The following ATP2B2 variants were observed in gnomAD, a reference collection of about 807,000 sequenced individuals.
The protein encoded by ATP2B2 is ATPase plasma membrane Ca2+ transporting 2.
A neutral mutation model predicts 120.0 loss-of-function variants in ATP2B2; 15 were observed. That is an observed-to-expected ratio of 0.12 (90% CI 0.08 to 0.19). The LOEUF is 0.19. Among genes scored for constraint, ATP2B2 ranks in the 10% least tolerant of loss-of-function variants. ATP2B2 has a pLI of 1.00. For missense variants in ATP2B2, 1,045 were observed against 1,719.8 expected, an observed-to-expected ratio of 0.61 and a Z score of 6.94; for synonymous variants, 694 against 700.3, an observed-to-expected ratio of 0.99 and a Z score of 0.14.
At chr3:10,510,376 G>A (rs540810894), upstream of ATP2B2, among the ~76,000 whole-genome samples, 47 of 152,236 alleles carry the variant, frequency 3.1e-4, no homozygotes, top group Non-Finnish European at 4.6e-4. Context: ...AAACATTGTA[G>A]CGCAAGGTCA....
At chr3:10,643,175 C>T (rs2070221332) in intron 1 of ATP2B2, among the ~76,000 whole-genome samples, 1 of 152,136 alleles carries the variant, frequency 6.6e-6, no homozygotes, top group Non-Finnish European at 1.5e-5. Context: ...GATGTGAGCA[C>T]CAAAATAATT....
intron 1 of ATP2B2, among the ~76,000 whole-genome samples, chr3:10,661,897 G>C (rs4452310): frequency 0.22 from 33,527 of 151,990 alleles, 6,204 homozygotes; most frequent in African/African-American, 0.5. Context: ...GGTACCAAAA[G>C]AGAGATATAG....
chr3:10,542,618 C>T (rs1266800207), intron 2 of ATP2B2, among the ~76,000 whole-genome samples: 8 of 152,080 alleles, frequency 5.3e-5, no homozygotes, highest in Admixed American at 5.2e-4. Context: ...GGATATGGGA[C>T]TCTGGGTTGA....
intron 2 of ATP2B2, among the ~76,000 whole-genome samples, chr3:10,431,015 G>T (rs961546853): frequency 1.3e-5 from 2 of 151,922 alleles, no homozygotes; most frequent in Admixed American, 1.3e-4. Flanking sequence ...GACTGGGAAT[G>T]TTAGGATACC....
intron 2 of ATP2B2, among the ~76,000 whole-genome samples, chr3:10,615,829 C>G (rs2069370924): frequency 6.6e-6 from 1 of 152,194 alleles, no homozygotes; most frequent in Admixed American, 6.5e-5. Context: ...CTTCTCACTT[C>G]ATGAGAGTTT....
intron 2 of ATP2B2, among the ~76,000 whole-genome samples, chr3:10,568,465 C>T (rs1217987955): frequency 6.6e-6 from 1 of 152,198 alleles, no homozygotes; most frequent in African/African-American, 2.4e-5. Flanking sequence ...ACATGAGGCC[C>T]AGCAGAGAAA....
At chr3:10,546,440 A>G (rs1485855041) in intron 2 of ATP2B2, among the ~76,000 whole-genome samples, 3 of 152,070 alleles carry the variant, frequency 2.0e-5, no homozygotes, top group African/African-American at 7.2e-5. Context: ...GTCCAGGGTT[A>G]CCTACTCAGA....
Position 10,342,680 on chromosome 3 carries a change from G to A in ATP2B2, c.2917+72C>T. ...GAGGGGGTTGTGACTCGAGAATGCT[G>A]GGTGAGAGCCATGGTGCACCCAGAA... On this transcript the variant is annotated intron_variant, in intron 19 of 22. Coordinates refer to ENST00000360273, the MANE Select transcript of ATP2B2 (RefSeq NM_001001331.4). The surrounding 1 kb of genome is among the most constrained non-coding windows in gnomAD (Gnocchi z 4.4). 1.3e-6 allele frequency: 2 copies of A among 1,545,946 alleles called. No homozygotes were observed. The highest frequency in any genetic ancestry group is 1.1e-5 in the South Asian group (1 of 88,634).
At chr3:10,355,791 C>CTTTGTGCGTGTGTGTGTGTGTGTGTGTGT in intron 14 of ATP2B2, among the ~76,000 whole-genome samples, 29 of 92,612 alleles carry the variant, frequency 3.1e-4, no homozygotes, top group South Asian at 9.4e-4. Flanking sequence ...TTGTCCTTTC[C>CTTTGTGCGTGTGTGTGTGTGTGTGTGTGT]GGCCGGGCGC....
rs555998696 is a variant in ATP2B2 at position 10,347,749 on chromosome 3, G to C, written c.2405-1612C>G. ...CTGTGGCTCCCAGGTGGTGCGGACC[G>C]TTGCGTAGCTCAAGCTGTGCGGAAA... On this transcript the variant is annotated intron_variant, in intron 16 of 22. Transcript: ENST00000360273. The surrounding 1 kb of genome is among the most constrained non-coding windows in gnomAD (Gnocchi z 5.2). Among the ~76,000 whole-genome samples, 21 of 152,316 alleles carry C rather than the reference G, an allele frequency of 1.4e-4. No individual in the cohort carries two copies. The South Asian group carries it at 3.9e-3, about 29-fold the overall frequency.
At chr3:10,681,359 GC>G (rs1484669086) in intron 1 of ATP2B2, among the ~76,000 whole-genome samples, 2 of 152,196 alleles carry the variant, frequency 1.3e-5, no homozygotes, top group Non-Finnish European at 2.9e-5. Flanking sequence ...CAATCTCTCT[GC>G]TGTGTGCTGG....
At chr3:10,493,506 GAAA>G (rs2125374904) in intron 1 of ATP2B2, among the ~76,000 whole-genome samples, 1 of 152,296 alleles carries the variant, frequency 6.6e-6, no homozygotes, top group Admixed American at 6.5e-5. Flanking sequence ...ACAGGCTGCA[GAAA>G]GGAGTCTCGA....
intron 1 of ATP2B2, among the ~76,000 whole-genome samples, chr3:10,501,693 G>A (rs940533462): frequency 3.9e-5 from 6 of 152,150 alleles, no homozygotes; most frequent in African/African-American, 1.4e-4. Context: ...AGGGGCTAGG[G>A]GTTGGTAGGG....
intron 1 of ATP2B2, among the ~76,000 whole-genome samples, chr3:10,496,205 G>A (rs1183595136): frequency 6.6e-6 from 1 of 152,212 alleles, no homozygotes; most frequent in African/African-American, 2.4e-5. Context: ...GCTAGGAAGA[G>A]ACTGGCACCC....
intron 2 of ATP2B2, among the ~76,000 whole-genome samples, chr3:10,542,532 G>A (rs1033300598): frequency 2.0e-5 from 3 of 152,070 alleles, no homozygotes; most frequent in African/African-American, 7.2e-5. Context: ...TAGGTCTTCT[G>A]GCAAAAAATT....
intron 1 of ATP2B2, among the ~76,000 whole-genome samples, chr3:10,484,115 T>C (rs1287074780): frequency 1.3e-5 from 2 of 152,070 alleles, no homozygotes; most frequent in Admixed American, 1.3e-4. Flanking sequence ...CTGTCTAAGG[T>C]CTGAAGCATC....
intron 13 of ATP2B2, 151 bp from the exon 14 acceptor site, chr3:10,359,076 C>A: frequency 1.3e-6 from 1 of 787,514 alleles, no homozygotes; most frequent in Non-Finnish European, 2.0e-6. Context: ...TGAAATCAAG[C>A]ATTCGTCCTG....
At chr3:10,385,507 G>A (rs181054032) in intron 7 of ATP2B2, among the ~76,000 whole-genome samples, 180 bp from the exon 8 acceptor site, 3 of 152,270 alleles carry the variant, frequency 2.0e-5, no homozygotes, top group South Asian at 4.1e-4. Context: ...TAGAGATGCC[G>A]CAGAGGTTGA....
chr3:10,468,048 C>A (rs546059381), intron 1 of ATP2B2, among the ~76,000 whole-genome samples: 1 of 152,344 alleles, frequency 6.6e-6, no homozygotes, highest in African/African-American at 2.4e-5. Flanking sequence ...ACTCAATAGG[C>A]TCCTGGATCT....
Sources: gnomAD v4.1 joint callset for allele counts (sites outside exome capture counted in the v4.1 genomes callset) on GRCh38, gnomAD v4.1.1 for gene constraint, Gnocchi (gnomAD v3.1) non-coding constraint, MANE v1.5 for transcripts, NCBI Gene and HGNC (gene_info 2026-07-23, HGNC 2026-07-21) for gene names.